CDH13: variants seen among roughly 807,000 people sequenced by gnomAD.
The protein encoded by CDH13 is cadherin-13.
In CDH13, 24 loss-of-function variants were observed where a neutral mutation model predicts 63.8. The ratio of observed to expected loss-of-function variants is 0.38; its 90% CI spans 0.27 to 0.53. The LOEUF (loss-of-function observed/expected upper bound fraction) is 0.53, where lower values mean the gene tolerates loss of function less well. Ranked by LOEUF, CDH13 falls within the 20% of genes least tolerant of loss-of-function variation. The pLI is 0.85. For synonymous variants in CDH13, 503 were observed against 355.3 expected (o/e 1.42, Z -4.67); for missense variants, 1,049 against 903.1 (o/e 1.16, Z -2.07).
chr16:82,719,390 TC>T, intron 1 of CDH13: 1 of 455,998 alleles, frequency 2.2e-6, no homozygotes, highest in South Asian at 1.5e-5. Flanking sequence ...AAGTCCCAGT[TC>T]CAGGCCCTTC....
At chr16:83,594,601 A>G (rs1346527798) in intron 7 of CDH13, among the ~76,000 whole-genome samples, 2 of 152,208 alleles carry the variant, frequency 1.3e-5, no homozygotes, top group African/African-American at 4.8e-5. Flanking sequence ...CCATGGAAAG[A>G]AATTCGGTCT....
intron 2 of CDH13, among the ~76,000 whole-genome samples, chr16:82,995,492 G>C (rs931391122): frequency 6.6e-6 from 1 of 152,148 alleles, no homozygotes; most frequent in Non-Finnish European, 1.5e-5. Flanking sequence ...AAGCTGAAAA[G>C]GGTAACATGG....
chr16:83,014,773 TA>T lies in CDH13; in HGVS notation c.158-17236del, dbSNP rs1237715682. Among the ~76,000 whole-genome samples, 130 of 33,682 alleles carry T rather than the reference TA, an allele frequency of 3.9e-3. 1 individual carries two copies. The highest frequency in any genetic ancestry group is 0.015 in the Middle Eastern group (1 of 66). 22.1% of individuals were successfully genotyped at this position (33,682 alleles called of 152,430 possible). A position where few individuals can be genotyped will look rare whatever the true frequency, so the allele number is the denominator to read the frequency against. ...ATATATATATATATATATATATATA[TA>T]TGTATATATATATATTTGTATATAT... On this transcript the variant is annotated intron_variant, in intron 2 of 13. Transcript: ENST00000567109.
intron 6 of CDH13, among the ~76,000 whole-genome samples, chr16:83,350,719 C>T (rs150985350): frequency 1.1e-4 from 16 of 152,180 alleles, no homozygotes; most frequent in African/African-American, 3.9e-4. Context: ...AAGAAAATTG[C>T]GGCAAGTGCT....
intron 5 of CDH13, among the ~76,000 whole-genome samples, chr16:83,280,382 A>G (rs180913500): frequency 6.2e-4 from 95 of 152,286 alleles, no homozygotes; most frequent in Non-Finnish European, 3.8e-4. Flanking sequence ...TCATCCATTC[A>G]TGTTTTATGA....
At chr16:83,777,957 A>G (rs916160442) in intron 11 of CDH13, among the ~76,000 whole-genome samples, 1 of 152,256 alleles carries the variant, frequency 6.6e-6, no homozygotes, top group Non-Finnish European at 1.5e-5. Context: ...TCTGTACTTC[A>G]TCTTAGCCAA....
intron 8 of CDH13, among the ~76,000 whole-genome samples, chr16:83,628,175 G>A (rs148355406): frequency 4.2e-4 from 64 of 152,282 alleles, no homozygotes; most frequent in African/African-American, 1.5e-3. Flanking sequence ...AACCGCCTGG[G>A]AACGCAGCCC....
At chr16:82,724,757 C>T (rs1258486210) in intron 1 of CDH13, among the ~76,000 whole-genome samples, 2 of 152,094 alleles carry the variant, frequency 1.3e-5, no homozygotes, top group African/African-American at 2.4e-5. Flanking sequence ...CTGGAAGGCA[C>T]CCAGATGATC....
chr16:83,077,036 C>T (rs2032888132), intron 3 of CDH13, among the ~76,000 whole-genome samples: 1 of 151,970 alleles, frequency 6.6e-6, no homozygotes, highest in African/African-American at 2.4e-5. Flanking sequence ...CACCAATATT[C>T]TGATTTTTCC....
intron 3 of CDH13, among the ~76,000 whole-genome samples, chr16:83,077,186 CTTTTTTTTTTTT>C (rs34536219): frequency 1.7e-5 from 1 of 59,144 alleles, no homozygotes; most frequent in East Asian, 5.9e-4. Context: ...TTTTTCTTTT[CTTTTTTTTTTTT>C]TTTTTTTTTT....
At chr16:82,750,413 A>ACT (rs2034364217) in intron 1 of CDH13, among the ~76,000 whole-genome samples, 2 of 151,928 alleles carry the variant, frequency 1.3e-5, no homozygotes. Context: ...TTTATCACCC[A>ACT]CTCTCTCCTT....
At chr16:83,750,866 G>A (rs977677130) in intron 11 of CDH13, among the ~76,000 whole-genome samples, 3 of 152,068 alleles carry the variant, frequency 2.0e-5, no homozygotes, top group Non-Finnish European at 4.4e-5. Context: ...CTCCTTTGTG[G>A]CACTTTGTTA....
chr16:83,169,502 G>T (rs1300736410), intron 4 of CDH13, among the ~76,000 whole-genome samples: 1 of 151,874 alleles, frequency 6.6e-6, no homozygotes, highest in Non-Finnish European at 1.5e-5. Flanking sequence ...CACTTTGATT[G>T]ATGAAAATGA....
In CDH13 at chr16:82,683,887, G is replaced by A. The variant is rs529588050; in HGVS notation, c.45+56750G>A. Among the ~76,000 whole-genome samples, 4 of 152,318 alleles carry A rather than the reference G, an allele frequency of 2.6e-5. No individual in the cohort carries two copies. In the South Asian group the frequency reaches 8.3e-4, roughly 32 times the overall value. Reference sequence around the variant, plus strand: ...AGGTACCGATGGTTTTGTTTTCTGTGTTGATAAAAATTGTGCGCTTTTTAT... The same window carrying A: ...AGGTACCGATGGTTTTGTTTTCTGTATTGATAAAAATTGTGCGCTTTTTAT... On this transcript the variant is annotated intron_variant, in intron 1 of 13. Transcript: ENST00000567109.
chr16:83,200,864 C>G (rs2039005791), intron 4 of CDH13, among the ~76,000 whole-genome samples: 2 of 151,836 alleles, frequency 1.3e-5, no homozygotes, highest in South Asian at 2.1e-4. Context: ...CCAAGTTGAT[C>G]TCATTGTATC....
At chr16:83,761,567 G>A (rs971716809) in intron 11 of CDH13, among the ~76,000 whole-genome samples, 1 of 152,116 alleles carries the variant, frequency 6.6e-6, no homozygotes, top group Non-Finnish European at 1.5e-5. Context: ...GGTTACACTC[G>A]GCATTTGCCT....
chr16:83,462,841 C>T (rs2073214819), intron 6 of CDH13, among the ~76,000 whole-genome samples: 1 of 152,158 alleles, frequency 6.6e-6, no homozygotes, highest in African/African-American at 2.4e-5. Flanking sequence ...TATTTGTTCA[C>T]TTACTCATCA....
intron 7 of CDH13, among the ~76,000 whole-genome samples, chr16:83,517,795 G>C (rs1050985184): frequency 4.6e-5 from 7 of 152,192 alleles, no homozygotes; most frequent in South Asian, 2.1e-4. Flanking sequence ...GCAGTTTGGA[G>C]GCTCTTTTTT....
intron 8 of CDH13, among the ~76,000 whole-genome samples, chr16:83,619,047 G>A (rs764783435): frequency 4.6e-5 from 7 of 152,178 alleles, no homozygotes; most frequent in Non-Finnish European, 8.8e-5. Flanking sequence ...TATGAGAAGC[G>A]TCACCTTCAG....
Sources: allele counts gnomAD v4.1 joint callset (sites outside exome capture counted in the v4.1 genomes callset), GRCh38; gene constraint gnomAD v4.1.1; transcripts MANE v1.5; gene names NCBI Gene and HGNC (gene_info 2026-07-23, HGNC 2026-07-21).